The following TSPAN4 variants were observed in gnomAD, a reference collection of about 807,000 sequenced individuals.
TSPAN4 encodes tetraspanin 4, also known as tetraspanin-4.
TSPAN4 carries 38 observed loss-of-function variants against 31.5 expected under a neutral mutation model. The observed-to-expected ratio is 1.21, with a 90% CI of 0.93 to 1.58. The LOEUF is 1.58. Among genes scored for constraint, TSPAN4 ranks in the 40% most tolerant of loss-of-function variants. The pLI, the probability that TSPAN4 is intolerant of heterozygous loss-of-function variation, is 0.00. For missense variants in TSPAN4, 330 were observed against 317.3 expected, an observed-to-expected ratio of 1.04 and a Z score of -0.30; for synonymous variants, 186 against 144.6, an observed-to-expected ratio of 1.29 and a Z score of -2.06.
chr11:861,461 C>T (rs372508014), intron 3 of TSPAN4, among the ~76,000 whole-genome samples: 6 of 152,134 alleles, frequency 3.9e-5, no homozygotes, highest in Non-Finnish European at 8.8e-5. Context: ...GCCTGGAATC[C>T]CAGCACTTTG....
At chr11:844,678 A>G (rs1590218542) in intron 1 of TSPAN4, 1 of 49,664 alleles carries the variant, frequency 2.0e-5, no homozygotes, top group Non-Finnish European at 3.7e-5. Flanking sequence ...CTGGGTGTGG[A>G]GTGTTGGCGC....
chr11:865,552 C>T lies in TSPAN4; in HGVS notation c.370C>T (p.His124Tyr), dbSNP rs755602212. The T allele has an allele frequency of 8.1e-6, 13 of 1,612,390 alleles. No individual in the cohort carries two copies. The Admixed American group carries it at 2.2e-4, about 27-fold the overall frequency. Residue 124 changes from histidine (H) to tyrosine (Y), a missense_variant, in exon 6 of 9, where the codon CAC becomes TAC. Physicochemically the swap from His to Tyr is moderately conservative, Grantham distance 83. Transcript: ENST00000397397. ...YAQQDLKKGL[H>Y]LYGTQGNVGL... is the part of the protein sequence containing the mutation. ...CCAGCAAGACCTGAAGAAAGGCTTG[C>T]ACCTGTACGGCACGCAGGGCAACGT... is the stretch of plus-strand genomic sequence containing the variant.
rs572150822 is a variant in TSPAN4, at chr11:848,673, C to T, written c.-18+1373C>T. 2.0e-6 allele frequency: 1 copy of T among 499,182 alleles called. No homozygotes were observed. Among genetic ancestry groups the T allele is most frequent in the African/African-American group, 2.0e-5 (1 of 50,902 alleles). 30.9% of individuals were successfully genotyped at this position (499,182 alleles called of 1,614,324 possible). On this transcript the variant is annotated intron_variant, in intron 2 of 8. Transcript: ENST00000397397. This position sits in a 1 kb window ranked among gnomAD's most constrained non-coding sequence, Gnocchi z 5.7. ...GCACCCCCTTCCCCTCCCTTAGCTTCCTCTCCCTCCTCTTCCTCCTGCCCT... is the reference window on the plus strand; with the variant it reads ...GCACCCCCTTCCCCTCCCTTAGCTTTCTCTCCCTCCTCTTCCTCCTGCCCT...
rs900213140 is a variant in TSPAN4, at chr11:866,544, C to T, written c.649-18C>T. ...GCCTGTGGAGCTGCCATGCCCAGTC[C>T]TCCTCCCCTACCTACAGATCCTGGG... On this transcript the variant is annotated intron_variant, in intron 8 of 8. Coordinates refer to ENST00000397397, the MANE Select transcript of TSPAN4 (RefSeq NM_003271.5). 2 of 1,611,590 alleles carry T rather than the reference C, an allele frequency of 1.2e-6. No individual in the cohort carries two copies. Among genetic ancestry groups the T allele is most frequent in the Non-Finnish European group, 1.7e-6 (2 of 1,178,842 alleles).
At chr11:850,042 G>A (rs1847572777) in intron 2 of TSPAN4, 3 of 277,440 alleles carry the variant, frequency 1.1e-5, no homozygotes, top group African/African-American at 2.2e-5. Context: ...CGCCGCTCCA[G>A]CACGGACGAG....
chr11:864,478 C>T lies in TSPAN4; in HGVS notation c.297C>T (p.Thr99=), dbSNP rs1173331445. 2 of 1,612,852 alleles carry T rather than the reference C, an allele frequency of 1.2e-6. No homozygotes were observed. The highest frequency in any genetic ancestry group is 1.1e-5 in the South Asian group (1 of 91,080). The change falls in exon 5 of 9, where the codon ACC becomes ACT. Residue 99 remains threonine, a synonymous_variant. Coordinates refer to ENST00000397397, the MANE Select transcript of TSPAN4 (RefSeq NM_003271.5). The part of the protein sequence containing the change: ...LLLLVFLLEA[T]IAILFFAYTD... ...TGCTGGTGTTCCTGCTGGAGGCCAC[C>T]ATCGCCATCCTCTTCTTCGCCTACA...
At chr11:844,397 G>A (rs573155121) in intron 1 of TSPAN4, 2 of 152,548 alleles carry the variant, frequency 1.3e-5, no homozygotes, top group African/African-American at 4.8e-5. Context: ...TTCCGAGTGT[G>A]TGCGCTTCCT....
intron 3 of TSPAN4, among the ~76,000 whole-genome samples, chr11:852,860 C>T (rs1236988459): frequency 6.6e-6 from 1 of 151,238 alleles, no homozygotes; most frequent in African/African-American, 2.4e-5. Context: ...AGGGACGTCC[C>T]CCCGGCGGGA....
chr11:853,031 G>C (rs1296548443), intron 3 of TSPAN4, among the ~76,000 whole-genome samples: 1 of 152,118 alleles, frequency 6.6e-6, no homozygotes, highest in East Asian at 1.9e-4. Context: ...GTGACTGGGG[G>C]GCTGTGCCCG....
At chr11:846,948 G>C (rs1847355419) in intron 1 of TSPAN4, among the ~76,000 whole-genome samples, 1 of 152,196 alleles carries the variant, frequency 6.6e-6, no homozygotes. Context: ...TCCCTGCCTG[G>C]CTGTCTCAGA....
chr11:844,845 G>T (rs1847215255), intron 1 of TSPAN4, among the ~76,000 whole-genome samples: 1 of 152,128 alleles, frequency 6.6e-6, no homozygotes, highest in Non-Finnish European at 1.5e-5. Flanking sequence ...CTAGAGGAGG[G>T]ATCACTTCAG....
At position 848,681 on chromosome 11, in the gene TSPAN4, T is replaced by A; in HGVS notation, c.-18+1381T>A. The A allele has an allele frequency of 2.0e-6, 1 of 502,680 alleles. No homozygotes were observed. The highest frequency in any genetic ancestry group is 3.3e-5 in the East Asian group (1 of 30,718). The allele number at this position is 502,680 out of a possible 1,614,324, so 31.1% of individuals were successfully genotyped here. On this transcript the variant is annotated intron_variant, in intron 2 of 8. Coordinates refer to ENST00000397397, the MANE Select transcript of TSPAN4 (RefSeq NM_003271.5). The surrounding 1 kb of genome is among the most constrained non-coding windows in gnomAD (Gnocchi z 5.7). ...TTCCCCTCCCTTAGCTTCCTCTCCC[T>A]CCTCTTCCTCCTGCCCTTCCTCATT...
intron 3 of TSPAN4, among the ~76,000 whole-genome samples, chr11:850,653 C>T (rs988381424): frequency 6.6e-6 from 1 of 152,172 alleles, no homozygotes; most frequent in African/African-American, 2.4e-5. Context: ...AGACGGGACA[C>T]GTTGCACACG....
At position 862,552 on chromosome 11, in the gene TSPAN4, G is replaced by A; in HGVS notation, c.66G>A (p.Leu22=). 6.2e-7 allele frequency: 1 copy of A among 1,605,132 alleles called. No individual in the cohort carries two copies. The highest frequency in any genetic ancestry group is 8.5e-7 in the Non-Finnish European group (1 of 1,176,796). The change falls in exon 4 of 9, where the codon CTG becomes CTA. Residue 22 remains leucine, a splice_region_variant and synonymous_variant. Transcript: ENST00000397397. ...LMFAFNLLFW[L]GGCGVLGVGI... ...TCTCTCCTGTTGCTGTGCCCCAGCTGGGAGGCTGTGGCGTGCTGGGTGTCG... is the reference window on the plus strand; with the variant it reads ...TCTCTCCTGTTGCTGTGCCCCAGCTAGGAGGCTGTGGCGTGCTGGGTGTCG...
chr11:846,240 GC>G (rs1257014883), intron 1 of TSPAN4, among the ~76,000 whole-genome samples: 1 of 152,232 alleles, frequency 6.6e-6, no homozygotes, highest in Non-Finnish European at 1.5e-5. Context: ...TGCTCCACGG[GC>G]ATGGCACCCA....
chr11:852,135 C>G (rs776341961), intron 3 of TSPAN4, among the ~76,000 whole-genome samples: 1 of 152,142 alleles, frequency 6.6e-6, no homozygotes. Context: ...TCTTTTTTAT[C>G]TTTGTTTTTT....
Position 854,007 on chromosome 11 carries a change from C to T in TSPAN4, c.63+3640C>T, listed in dbSNP as rs116413781. ...GGGGGCTCTGCTGCCCTGGGACCCC[C>T]ACCTTCAGGCCTCTGTGCTGCCTGG... is the stretch of plus-strand genomic sequence containing the variant. On this transcript the variant is annotated intron_variant, in intron 3 of 8. Transcript: ENST00000397397. 2.5e-3 allele frequency among the ~76,000 whole-genome samples: 382 copies of T among 152,338 alleles called. 1 individual carries two copies. The highest frequency in any genetic ancestry group is 8.9e-3 in the African/African-American group (371 of 41,576).
rs199538631 is a variant in TSPAN4 at position 866,612 on chromosome 11, A to G, written c.699A>G (p.Ala233=). 265 of 1,613,290 alleles carry G rather than the reference A, an allele frequency of 1.6e-4. No homozygotes were observed. The highest frequency in any genetic ancestry group is 6.0e-4 in the Admixed American group (36 of 59,968). Residue 233 remains alanine (A), a synonymous_variant, in exon 9 of 9, where the codon GCA becomes GCG. Coordinates refer to ENST00000397397, the MANE Select transcript of TSPAN4 (RefSeq NM_003271.5). ...CCATGTACTGCCAAGTGGTCAAGGC[A>G]GACACCTACTGCGCGTAGGCCGCCC... ...AMTMYCQVVK[A]DTYCA is the part of the protein sequence containing the mutation.
At chr11:847,968 G>A (rs1847414773) in intron 2 of TSPAN4, among the ~76,000 whole-genome samples, 1 of 152,194 alleles carries the variant, frequency 6.6e-6, no homozygotes, top group Admixed American at 6.5e-5. Flanking sequence ...GTTTTTGACT[G>A]CAGGTGGGGT....
Sources: allele counts gnomAD v4.1 joint callset (sites outside exome capture counted in the v4.1 genomes callset), GRCh38; gene constraint gnomAD v4.1.1; non-coding constraint Gnocchi (gnomAD v3.1); transcripts MANE v1.5; gene names NCBI Gene and HGNC (gene_info 2026-07-23, HGNC 2026-07-21).